LARP4: variants seen among roughly 807,000 people sequenced by gnomAD.
LARP4 encodes La ribonucleoprotein 4, also known as la-related protein 4.
Under a neutral mutation model 92.9 loss-of-function variants are expected in LARP4, and 29 were observed. The observed-to-expected ratio is 0.31, with a 90% CI of 0.23 to 0.43. The LOEUF is 0.43. Among genes scored for constraint, LARP4 ranks in the 20% least tolerant of loss-of-function variants. The pLI, the probability that LARP4 is intolerant of heterozygous loss-of-function variation, is 1.00. For synonymous variants in LARP4, 279 were observed against 284.1 expected (o/e 0.98, Z 0.18); for missense variants, 732 against 860.0 (o/e 0.85, Z 1.86).
At chr12:50,469,335 T>A (rs1021254286) in intron 13 of LARP4, among the ~76,000 whole-genome samples, 2 of 152,160 alleles carry the variant, frequency 1.3e-5, no homozygotes, top group Non-Finnish European at 2.9e-5. Flanking sequence ...CCAGGTGCGG[T>A]GGCTTACGCC....
chr12:50,455,264 T>A (rs1308394913), intron 10 of LARP4, among the ~76,000 whole-genome samples: 1 of 152,136 alleles, frequency 6.6e-6, no homozygotes, highest in Non-Finnish European at 1.5e-5. Flanking sequence ...GGTCTGTTTA[T>A]GTTGCCTGGG....
chr12:50,405,980 A>T (rs990365756), intron 1 of LARP4, among the ~76,000 whole-genome samples: 1 of 152,180 alleles, frequency 6.6e-6, no homozygotes, highest in Non-Finnish European at 1.5e-5. Context: ...AGTGATAAGA[A>T]AAAAGTCTCT....
rs1950278853 is a variant in LARP4, at chr12:50,435,530, T to C, written c.441T>C (p.Asp147=). The C allele has an allele frequency of 6.3e-7, 1 of 1,584,868 alleles. No individual in the cohort carries two copies. Among genetic ancestry groups the C allele is most frequent in the South Asian group, 1.1e-5 (1 of 90,238 alleles). The change falls in exon 5 of 16, where the codon GAT becomes GAC. Residue 147 remains aspartate (D), a synonymous_variant. Coordinates refer to ENST00000398473, the MANE Select transcript of LARP4 (RefSeq NM_052879.5). ...SKDLYLISQM[D]SDQFIPIWTV... is the part of the protein sequence containing the mutation. ...ATCTTTACTTGATATCTCAAATGGA[T>C]AGTGATCAGTTCATCCCAATTTGGA... is the stretch of plus-strand genomic sequence containing the variant.
intron 1 of LARP4, among the ~76,000 whole-genome samples, chr12:50,424,052 C>T (rs1438163052): frequency 6.6e-6 from 1 of 152,184 alleles, no homozygotes. Flanking sequence ...AGCCACTGCA[C>T]CCGGCCATGT....
intron 8 of LARP4, among the ~76,000 whole-genome samples, chr12:50,450,835 A>G (rs1453918554): frequency 6.6e-6 from 1 of 151,876 alleles, no homozygotes; most frequent in African/African-American, 2.4e-5. Context: ...TTGACTTAAT[A>G]GTGTATTCTG....
chr12:50,459,420 TTGTATGTC>T (rs1313957265), intron 10 of LARP4, among the ~76,000 whole-genome samples: 1 of 152,214 alleles, frequency 6.6e-6, no homozygotes, highest in African/African-American at 2.4e-5. Flanking sequence ...CTACAGATTA[TTGTATGTC>T]TGTATGTATG....
At chr12:50,440,934 A>C (rs1286471651) in intron 7 of LARP4, among the ~76,000 whole-genome samples, 1 of 146,932 alleles carries the variant, frequency 6.8e-6, no homozygotes, top group Non-Finnish European at 1.5e-5. Context: ...CCCGGGCTGG[A>C]GTGCAGTGGC....
chr12:50,432,782 C>A (rs2137246643), intron 4 of LARP4, among the ~76,000 whole-genome samples: 1 of 151,006 alleles, frequency 6.6e-6, no homozygotes, highest in African/African-American at 2.4e-5. Context: ...ATCGCTTGAA[C>A]CCAGGAGGTG....
At chr12:50,450,512 T>G (rs74720047) in intron 8 of LARP4, among the ~76,000 whole-genome samples, 15,141 of 152,184 alleles carry the variant, frequency 0.099, 1,537 homozygotes, top group East Asian at 0.47. Flanking sequence ...AAATTCAGGC[T>G]GTATGGTTTT....
chr12:50,468,446 A>T (rs1345879210), intron 13 of LARP4, among the ~76,000 whole-genome samples: 1 of 151,290 alleles, frequency 6.6e-6, no homozygotes, highest in East Asian at 1.9e-4. Context: ...GGCGCCTGCC[A>T]CTACGCCCGG....
At position 50,437,769 on chromosome 12, in the gene LARP4, G is replaced by GA; in HGVS notation, c.573dup (p.Val192SerfsTer6). ...TGGTACAAGTTGATGAGAAGGGTGA[G>GA]AAAGTGAGACCAAGTCATAAGCGTT... On this transcript the variant is annotated frameshift_variant, in exon 6 of 16. Coordinates refer to ENST00000398473, the MANE Select transcript of LARP4 (RefSeq NM_052879.5). LOFTEE classifies it high-confidence loss of function. 1 of 1,612,048 alleles carries GA rather than the reference G, an allele frequency of 6.2e-7. No individual in the cohort carries two copies. Among genetic ancestry groups the GA allele is most frequent in the Non-Finnish European group, 8.5e-7 (1 of 1,178,504 alleles).
At position 50,469,780 on chromosome 12, in the gene LARP4, G is replaced by A. The variant is rs562578902; in HGVS notation, c.1545+2660G>A. On this transcript the variant is annotated intron_variant, in intron 13 of 15. Coordinates refer to ENST00000398473, the MANE Select transcript of LARP4 (RefSeq NM_052879.5). ...AAAAATTAGCTGGGCATGGTGGCAC[G>A]CACCTGTAGTCCCAGCTACTCTGGA... is the stretch of plus-strand genomic sequence containing the variant. 2.7e-5 allele frequency among the ~76,000 whole-genome samples: 4 copies of A among 150,660 alleles called. No individual in the cohort carries two copies. In the East Asian group the frequency reaches 7.9e-4, roughly 30 times the overall value.
At chr12:50,427,699 C>A in intron 1 of LARP4, 63 bp from the exon 2 acceptor site, 2 of 1,112,426 alleles carry the variant, frequency 1.8e-6, no homozygotes. Context: ...GTGATTTTAT[C>A]TGAATCTGTA....
chr12:50,430,480 C>G lies in LARP4; in HGVS notation c.323-15C>G. On this transcript the variant is annotated splice_polypyrimidine_tract_variant and intron_variant, in intron 3 of 15. Coordinates refer to ENST00000398473, the MANE Select transcript of LARP4 (RefSeq NM_052879.5). The stretch of plus-strand genomic sequence containing the variant: ...ATGCTATTAACTTTTTTTCCCTCTT[C>G]TTTTCTACCATCAGGAGAAAGCAAT... 1 of 1,531,190 alleles carries G rather than the reference C, an allele frequency of 6.5e-7. No individual in the cohort carries two copies. Among genetic ancestry groups the G allele is most frequent in the Admixed American group, 1.8e-5 (1 of 55,126 alleles). 94.9% of individuals were successfully genotyped at this position (1,531,190 alleles called of 1,614,324 possible).
At chr12:50,428,610 A>G (rs1443021744) in intron 2 of LARP4, among the ~76,000 whole-genome samples, 2 of 152,138 alleles carry the variant, frequency 1.3e-5, no homozygotes, top group African/African-American at 4.8e-5. Context: ...TAATTTCTCT[A>G]TGCTTTTTTC....
chr12:50,417,540 G>A (rs1417112452), intron 1 of LARP4, among the ~76,000 whole-genome samples: 1 of 152,090 alleles, frequency 6.6e-6, no homozygotes, highest in Non-Finnish European at 1.5e-5. Flanking sequence ...TGTTGCTATA[G>A]TTATTCATGG....
Position 50,417,374 on chromosome 12 carries a change from CA to C in LARP4, c.19-10376del, listed in dbSNP as rs763815019. ...TGGGTGACAGAGCAAAACTCTGTCT[CA>C]AAAAAAAAAAAGAAAAAAAAGAAAA... On this transcript the variant is annotated intron_variant, in intron 1 of 15. Transcript: ENST00000398473. 4.1e-3 allele frequency among the ~76,000 whole-genome samples: 496 copies of C among 120,916 alleles called. 1 individual carries two copies. The highest frequency in any genetic ancestry group is 9.4e-3 in the African/African-American group (308 of 32,932). The allele number at this position is 120,916 out of a possible 152,430, so 79.3% of individuals were successfully genotyped here.
At chr12:50,435,063 A>C (rs1381199394) in intron 4 of LARP4, among the ~76,000 whole-genome samples, 2 of 152,186 alleles carry the variant, frequency 1.3e-5, no homozygotes, top group Non-Finnish European at 2.9e-5. Context: ...AAAAAGAAAC[A>C]GAAATGGAAA....
At chr12:50,430,450 C>T (rs758895899) in intron 3 of LARP4, 45 bp from the exon 4 acceptor site, 10 of 1,069,586 alleles carry the variant, frequency 9.3e-6, no homozygotes, top group Non-Finnish European at 1.4e-5. Flanking sequence ...ATCACCTCTA[C>T]TAACATGCTA....
Sources: allele counts gnomAD v4.1 joint callset (sites outside exome capture counted in the v4.1 genomes callset), GRCh38; gene constraint gnomAD v4.1.1; transcripts MANE v1.5; gene names NCBI Gene and HGNC (gene_info 2026-07-23, HGNC 2026-07-21).